Variants in CNTN5 observed in about 807,000 individuals in gnomAD.
CNTN5 encodes contactin 5, also known as contactin-5.
Under a neutral mutation model 129.1 loss-of-function variants are expected in CNTN5, and 77 were observed. That is an observed-to-expected ratio of 0.60 (90% confidence interval 0.50 to 0.72). The LOEUF (loss-of-function observed/expected upper bound fraction) is 0.72, where lower values mean the gene tolerates loss of function less well. CNTN5 is among the 30% of genes least tolerant of loss of function. The probability of loss-of-function intolerance (pLI) is 0.00; values close to 1 mark genes in which losing one functional copy is unlikely to be tolerated. For missense variants in CNTN5, 1,478 were observed against 1,328.8 expected (o/e 1.11, Z -1.75); for synonymous variants, 509 against 465.6 (o/e 1.09, Z -1.20).
rs767279660 is a variant in CNTN5 at position 100,264,996 on chromosome 11, G to GT, written c.2165-6089dup. On this transcript the variant is annotated intron_variant, in intron 17 of 24. Transcript: ENST00000524871. Reference sequence around the variant, plus strand: ...CTCTAATGATAAGTGATGTTGTGGGGTTTTTTTATATGTTTGTTGGCCACA... The same window carrying GT: ...CTCTAATGATAAGTGATGTTGTGGGGTTTTTTTTATATGTTTGTTGGCCACA... Among the ~76,000 whole-genome samples, 20 of 152,002 alleles carry GT rather than the reference G, an allele frequency of 1.3e-4. No homozygotes were observed. The East Asian group carries it at 2.5e-3, about 19-fold the overall frequency.
intron 2 of CNTN5, among the ~76,000 whole-genome samples, chr11:99,451,122 G>T (rs1031102722): frequency 6.6e-5 from 10 of 152,054 alleles, no homozygotes; most frequent in Admixed American, 1.3e-4. Context: ...TAAACAGATT[G>T]TACTCAGTGA....
intron 3 of CNTN5, among the ~76,000 whole-genome samples, chr11:99,785,845 G>A (rs1330965238): frequency 6.6e-6 from 1 of 151,992 alleles, no homozygotes; most frequent in Non-Finnish European, 1.5e-5. Context: ...GGTATTGATG[G>A]GACATATCTC....
chr11:100,212,602 C>T (rs1007697662), intron 15 of CNTN5, among the ~76,000 whole-genome samples: 2 of 152,160 alleles, frequency 1.3e-5, no homozygotes, highest in African/African-American at 2.4e-5. Flanking sequence ...GTAGGCCCAA[C>T]TTTGTTTCTA....
At chr11:100,258,881 C>T (rs1950135435) in intron 17 of CNTN5, among the ~76,000 whole-genome samples, 1 of 152,148 alleles carries the variant, frequency 6.6e-6, no homozygotes, top group Admixed American at 6.5e-5. Context: ...GAAGAAGCTG[C>T]ATCAACTGAC....
chr11:99,659,026 C>A (rs1952497721), intron 3 of CNTN5, among the ~76,000 whole-genome samples: 2 of 152,152 alleles, frequency 1.3e-5, no homozygotes, highest in Middle Eastern at 3.4e-3. Context: ...GTGCCTCCAA[C>A]CCCTGCCACA....
chr11:99,712,300 T>A (rs1223739015), intron 3 of CNTN5, among the ~76,000 whole-genome samples: 1 of 152,184 alleles, frequency 6.6e-6, no homozygotes, highest in East Asian at 1.9e-4. Flanking sequence ...TCTGTTCACA[T>A]CCTTTGCCCA....
chr11:99,993,853 A>G (rs6590493), intron 8 of CNTN5, among the ~76,000 whole-genome samples: 108,208 of 152,120 alleles, frequency 0.71, 38,939 homozygotes, highest in African/African-American at 0.82. Flanking sequence ...GATGTCTAAA[A>G]AGCTTTCTAA....
intron 3 of CNTN5, among the ~76,000 whole-genome samples, chr11:99,619,332 TATA>T (rs1242677988): frequency 6.6e-6 from 1 of 152,182 alleles, no homozygotes; most frequent in Non-Finnish European, 1.5e-5. Flanking sequence ...TAAAATGTAT[TATA>T]ATAGCTCAAT....
At chr11:99,599,118 T>C (rs1178176605) in intron 3 of CNTN5, among the ~76,000 whole-genome samples, 1 of 152,092 alleles carries the variant, frequency 6.6e-6, no homozygotes, top group Non-Finnish European at 1.5e-5. Context: ...TGAAATATTG[T>C]ATCCTCATAA....
At chr11:99,406,794 C>T (rs1330909226) in intron 2 of CNTN5, among the ~76,000 whole-genome samples, 1 of 152,136 alleles carries the variant, frequency 6.6e-6, no homozygotes, top group East Asian at 1.9e-4. Flanking sequence ...CTCTTCTCTC[C>T]CATTTTCAAA....
chr11:99,373,065 G>C lies in CNTN5; in HGVS notation c.-71+47581G>C, dbSNP rs574250628. Among the ~76,000 whole-genome samples the C allele has an allele frequency of 9.0e-4, 83 of 91,720 alleles. 1 individual carries two copies. The East Asian group carries it at 0.02, about 22-fold the overall frequency. 60.2% of individuals were successfully genotyped at this position (91,720 alleles called of 152,430 possible). A position where few individuals can be genotyped will look rare whatever the true frequency, so the allele number is the denominator to read the frequency against. On this transcript the variant is annotated intron_variant, in intron 2 of 24. Coordinates refer to ENST00000524871, the MANE Select transcript of CNTN5 (RefSeq NM_014361.4). Reference sequence around the variant, plus strand: ...CTCTACTAAAACTACAAAAATTAGCGGGGCATGGTGGCACATGGCTGTAAT... The same window carrying C: ...CTCTACTAAAACTACAAAAATTAGCCGGGCATGGTGGCACATGGCTGTAAT...
intron 6 of CNTN5, among the ~76,000 whole-genome samples, chr11:99,873,332 T>C (rs537250933): frequency 1.3e-3 from 191 of 150,378 alleles, no homozygotes; most frequent in Non-Finnish European, 2.4e-3. Context: ...TCAGGATAAA[T>C]AATTAGTATT....
At chr11:100,294,327 A>G (rs1007751040) in intron 18 of CNTN5, among the ~76,000 whole-genome samples, 1 of 151,806 alleles carries the variant, frequency 6.6e-6, no homozygotes, top group Admixed American at 6.6e-5. Context: ...AAGGTAGTAC[A>G]CTATATTTTT....
In CNTN5 at chr11:100,297,686, T is replaced by G. The variant is rs780289045; in HGVS notation, c.2376T>G (p.Ile792Met). The change falls in exon 19 of 25, where the codon ATT (isoleucine) becomes ATG (methionine). Residue 792 changes from isoleucine to methionine, a missense_variant. Ile to Met is a conservative substitution (Grantham distance 10). Coordinates refer to ENST00000524871, the MANE Select transcript of CNTN5 (RefSeq NM_014361.4). Reference sequence around the variant, plus strand: ...GTGGAAGAAGGCATGAGTTAGTCATTGCCTGGGAGGTAAGAAAAACACATC... The same window carrying G: ...GTGGAAGAAGGCATGAGTTAGTCATGGCCTGGGAGGTAAGAAAAACACATC... ...GRSGRRHELV[I>M]AWEPVSEEFQ... 1.6e-5 allele frequency: 25 copies of G among 1,600,636 alleles called. No individual in the cohort carries two copies. Among genetic ancestry groups the G allele is most frequent in the Non-Finnish European group, 2.0e-5 (23 of 1,172,264 alleles).
At chr11:100,134,666 G>C (rs151288762) in intron 13 of CNTN5, among the ~76,000 whole-genome samples, 39 of 152,240 alleles carry the variant, frequency 2.6e-4, no homozygotes, top group African/African-American at 8.9e-4. Context: ...GAAAATGCTT[G>C]TGCAACAAAA....
At chr11:100,332,634 A>G (rs1322562063) in intron 21 of CNTN5, among the ~76,000 whole-genome samples, 1 of 152,162 alleles carries the variant, frequency 6.6e-6, no homozygotes, top group Non-Finnish European at 1.5e-5. Context: ...TACCAGGGAT[A>G]CAGGGATAGT....
chr11:100,005,671 A>G (rs1457551897), intron 9 of CNTN5, among the ~76,000 whole-genome samples: 3 of 152,140 alleles, frequency 2.0e-5, no homozygotes, highest in Non-Finnish European at 4.4e-5. Flanking sequence ...TTCTTGATCT[A>G]CTGCCTCTTA....
intron 21 of CNTN5, among the ~76,000 whole-genome samples, chr11:100,339,369 A>G (rs1243449601): frequency 6.6e-6 from 1 of 152,064 alleles, no homozygotes; most frequent in Non-Finnish European, 1.5e-5. Flanking sequence ...AGGGAGCTGG[A>G]AAGGGGATGG....
chr11:99,833,572 T>G (rs1314049042), intron 4 of CNTN5, among the ~76,000 whole-genome samples: 1 of 152,222 alleles, frequency 6.6e-6, no homozygotes, highest in Non-Finnish European at 1.5e-5. Flanking sequence ...GGATAAACTC[T>G]GATGTTCAGT....
Sources: allele counts gnomAD v4.1 joint callset (sites outside exome capture counted in the v4.1 genomes callset), GRCh38; gene constraint gnomAD v4.1.1; transcripts MANE v1.5; gene names NCBI Gene and HGNC (gene_info 2026-07-23, HGNC 2026-07-21).